Variants in HERC3 observed in about 807,000 individuals in gnomAD.
HERC3 encodes probable E3 ubiquitin-protein ligase HERC3.
Under a neutral mutation model 129.9 loss-of-function variants are expected in HERC3, and 58 were observed. The observed-to-expected ratio is 0.45, with a 90% CI of 0.36 to 0.56. The LOEUF is 0.56. Ranked by LOEUF, HERC3 falls within the 20% of genes least tolerant of loss-of-function variation. The pLI is 0.00. For missense variants in HERC3, 835 were observed against 1,244.2 expected (o/e 0.67, Z 4.95); for synonymous variants, 430 against 451.0 (o/e 0.95, Z 0.59).
intron 3 of HERC3, among the ~76,000 whole-genome samples, chr4:88,640,486 A>G (rs1727961873): frequency 6.6e-6 from 1 of 152,168 alleles, no homozygotes; most frequent in African/African-American, 2.4e-5. Flanking sequence ...AGAAAACCAA[A>G]CACCACATGT....
intron 16 of HERC3, among the ~76,000 whole-genome samples, chr4:88,674,540 A>G (rs929853649): frequency 1.3e-5 from 2 of 152,158 alleles, no homozygotes; most frequent in East Asian, 1.9e-4. Flanking sequence ...GCATAAACTA[A>G]TCTCTTCTGA....
At chr4:88,673,488 C>T (rs3775409) in intron 16 of HERC3, among the ~76,000 whole-genome samples, 21,412 of 152,166 alleles carry the variant, frequency 0.14, 1,673 homozygotes, top group East Asian at 0.2. Flanking sequence ...AGTGCAGCCC[C>T]GTTTCAGGCA....
At chr4:88,556,030 T>C in the HERC3 span, among the ~76,000 whole-genome samples, 4 of 152,146 alleles carry the variant, frequency 2.6e-5, no homozygotes, top group South Asian at 6.2e-4. Context: ...AGGTTTGAAA[T>C]TGATGACGCT....
chr4:88,637,851 A>G (rs1048117854), intron 3 of HERC3, among the ~76,000 whole-genome samples: 6 of 152,158 alleles, frequency 3.9e-5, no homozygotes, highest in Non-Finnish European at 7.4e-5. Flanking sequence ...CACCAGCTAG[A>G]CTAATAAAGA....
Position 88,707,088 on chromosome 4 carries a change from C to A in HERC3, c.*128C>A, listed in dbSNP as rs945382115. The A allele has an allele frequency of 9.6e-6, 7 of 732,460 alleles. No homozygotes were observed. The African/African-American group carries it at 1.2e-4, about 13-fold the overall frequency. 45.4% of individuals were successfully genotyped at this position (732,460 alleles called of 1,614,324 possible). Reference sequence around the variant, plus strand: ...TGGGTTGGGACTTTTAAATACTGAGCCTGGTTGATGTGTTTCTGGGATTGT... The same window carrying A: ...TGGGTTGGGACTTTTAAATACTGAGACTGGTTGATGTGTTTCTGGGATTGT... On this transcript the variant is annotated 3_prime_UTR_variant, in exon 26 of 26. Transcript: ENST00000402738.
intron 23 of HERC3, among the ~76,000 whole-genome samples, chr4:88,703,351 A>G (rs962374480): frequency 6.6e-6 from 1 of 152,164 alleles, no homozygotes; most frequent in African/African-American, 2.4e-5. Flanking sequence ...GCAGCTCTGA[A>G]AAAATAGCCT....
intron 3 of HERC3, among the ~76,000 whole-genome samples, chr4:88,620,025 A>G (rs1355283806): frequency 2.0e-5 from 3 of 152,250 alleles, no homozygotes; most frequent in African/African-American, 7.2e-5. Context: ...AAAGTTGAAA[A>G]TGTTCATACC....
chr4:88,589,367 G>T (rs940276389), upstream of HERC3, among the ~76,000 whole-genome samples: 2 of 152,160 alleles, frequency 1.3e-5, no homozygotes, highest in Admixed American at 1.3e-4. Flanking sequence ...GATTACAGGG[G>T]CATGAGCCTA....
At chr4:88,697,163 C>CT in intron 23 of HERC3, 3 of 1,457,048 alleles carry the variant, frequency 2.1e-6, no homozygotes, top group Non-Finnish European at 2.7e-6. Context: ...CAAAACCAGG[C>CT]TTTTTTCTTC....
In HERC3 at chr4:88,704,020, C is replaced by T. The variant is rs866524909; in HGVS notation, c.2658-78C>T. On this transcript the variant is annotated intron_variant, in intron 23 of 25. Coordinates refer to ENST00000402738, the MANE Select transcript of HERC3 (RefSeq NM_014606.3). The stretch of plus-strand genomic sequence containing the variant: ...ATGAAATTCTATTTTTTATCACTCC[C>T]AATCTCAGTGTAGAAGGGTAACTTC... The T allele has an allele frequency of 4.7e-6, 6 of 1,279,128 alleles. No individual in the cohort carries two copies. The African/African-American group carries it at 7.4e-5, about 16-fold the overall frequency. 79.2% of individuals were successfully genotyped at this position (1,279,128 alleles called of 1,614,324 possible).
At chr4:88,696,318 G>A (rs981457390) in intron 23 of HERC3, 2 of 152,712 alleles carry the variant, frequency 1.3e-5, no homozygotes, top group African/African-American at 2.4e-5. Context: ...ACAGAAAGAC[G>A]TCACAAGGCG....
chr4:88,606,603 C>T (rs1478727391), intron 3 of HERC3, among the ~76,000 whole-genome samples: 1 of 152,118 alleles, frequency 6.6e-6, no homozygotes, highest in Admixed American at 6.6e-5. Context: ...TTTACAGTTC[C>T]ACGTGGCTGG....
chr4:88,608,974 G>C (rs535650512), intron 3 of HERC3, among the ~76,000 whole-genome samples: 22 of 152,240 alleles, frequency 1.4e-4, no homozygotes, highest in South Asian at 1.0e-3. Flanking sequence ...ACTAATGGAG[G>C]CATTACATCT....
At chr4:88,654,366 A>G (rs1328166850) in intron 7 of HERC3, among the ~76,000 whole-genome samples, 1 of 124,668 alleles carries the variant, frequency 8.0e-6, no homozygotes, top group Non-Finnish European at 1.6e-5. Context: ...ATATATATAT[A>G]TATATATATA....
intron 3 of HERC3, among the ~76,000 whole-genome samples, chr4:88,617,815 G>A (rs1460801109): frequency 1.3e-5 from 2 of 152,198 alleles, no homozygotes; most frequent in South Asian, 2.1e-4. Flanking sequence ...AGCTTGCAGT[G>A]AGCCAAGATC....
At chr4:88,603,206 T>C (rs866552924) in intron 2 of HERC3, among the ~76,000 whole-genome samples, 12 of 145,312 alleles carry the variant, frequency 8.3e-5, no homozygotes, top group South Asian at 2.2e-4. Flanking sequence ...CGCTTTCTCT[T>C]TTTTTTTTTT....
the HERC3 span, among the ~76,000 whole-genome samples, chr4:88,547,405 G>A: frequency 6.6e-6 from 1 of 152,104 alleles, no homozygotes; most frequent in African/African-American, 2.4e-5. Flanking sequence ...AAAATTTAAT[G>A]GTTTTTAGTA....
At chr4:88,579,569 G>A in the HERC3 span, among the ~76,000 whole-genome samples, 1 of 152,088 alleles carries the variant, frequency 6.6e-6, no homozygotes, top group Admixed American at 6.6e-5. Flanking sequence ...TGGGAGAGAG[G>A]CTGGGGTCAG....
chr4:88,613,074 A>G (rs966741152), intron 3 of HERC3, among the ~76,000 whole-genome samples: 2 of 152,162 alleles, frequency 1.3e-5, no homozygotes, highest in Admixed American at 1.3e-4. Flanking sequence ...AGGGTAAGCT[A>G]ATCTCTGTGT....
Sources: allele counts gnomAD v4.1 joint callset (sites outside exome capture counted in the v4.1 genomes callset), GRCh38; gene constraint gnomAD v4.1.1; transcripts MANE v1.5; gene names NCBI Gene and HGNC (gene_info 2026-07-23, HGNC 2026-07-21).